Variants in RBFOX1 observed in about 807,000 individuals in gnomAD.
RBFOX1 encodes the protein RNA binding fox-1 homolog 1.
A neutral mutation model predicts 57.7 loss-of-function variants in RBFOX1; 8 were observed. The observed-to-expected ratio is 0.14, with a 90% CI of 0.08 to 0.25. The LOEUF is 0.25. RBFOX1 is among the 10% of genes least tolerant of loss of function. The pLI, the probability that RBFOX1 is intolerant of heterozygous loss-of-function variation, is 1.00. For synonymous variants in RBFOX1, 326 were observed against 222.4 expected (o/e 1.47, Z -4.15); for missense variants, 611 against 548.5 (o/e 1.11, Z -1.14).
At position 5,759,516 on chromosome 16, in the gene RBFOX1, C is replaced by A. The variant is rs550758247; in HGVS notation, c.319-107787C>A. 4.2e-3 allele frequency among the ~76,000 whole-genome samples: 633 copies of A among 152,312 alleles called. 9 individuals are homozygous for A. Among genetic ancestry groups the A allele is most frequent in the African/African-American group, 0.015 (611 of 41,572 alleles). On this transcript the variant is annotated intron_variant, in intron 3 of 19. Coordinates refer to the RBFOX1 transcript ENST00000641259. ...ACACCTCTCAGGCTCACCTTCAGCC[C>A]ATGCAAATTCAGAGTTTTCTTAATT...
At chr16:7,028,587 C>CAA (rs1364497237) in intron 3 of RBFOX1, among the ~76,000 whole-genome samples, 2 of 29,962 alleles carry the variant, frequency 6.7e-5, no homozygotes, top group African/African-American at 2.8e-4. Flanking sequence ...AACTCCCTCA[C>CAA]ACACACACAC....
chr16:6,429,576 C>CAAATGAGATTACATTT (rs2094020423), intron 2 of RBFOX1, among the ~76,000 whole-genome samples: 1 of 152,102 alleles, frequency 6.6e-6, no homozygotes, highest in Non-Finnish European at 1.5e-5. Flanking sequence ...GTGTCCCCAC[C>CAAATGAGATTACATTT]CAAATCTCAT....
intron 3 of RBFOX1, among the ~76,000 whole-genome samples, chr16:6,955,116 C>T (rs1314514747): frequency 6.6e-6 from 1 of 151,482 alleles, no homozygotes; most frequent in Non-Finnish European, 1.5e-5. Flanking sequence ...TGGATTATGC[C>T]TGTAGTCCCA....
At chr16:6,838,763 A>G (rs201406318) in intron 3 of RBFOX1, among the ~76,000 whole-genome samples, 25 of 152,278 alleles carry the variant, frequency 1.6e-4, no homozygotes, top group Admixed American at 3.9e-4. Context: ...AGGGGTCTCA[A>G]TTAGTGTCAT....
At chr16:5,928,221 G>T (rs2058975525) in intron 4 of RBFOX1, among the ~76,000 whole-genome samples, 1 of 152,010 alleles carries the variant, frequency 6.6e-6, no homozygotes, top group Non-Finnish European at 1.5e-5. Context: ...AGCCTCCTGA[G>T]TAGCTGAGAT....
chr16:7,613,064 T>A (rs2057822916), intron 10 of RBFOX1, among the ~76,000 whole-genome samples: 1 of 152,152 alleles, frequency 6.6e-6, no homozygotes, highest in Non-Finnish European at 1.5e-5. Flanking sequence ...AATGCAGATC[T>A]AAGATATAGT....
chr16:5,746,993 A>T lies in RBFOX1; in HGVS notation c.319-120310A>T, dbSNP rs1478686106. Among the ~76,000 whole-genome samples, 8 of 152,154 alleles carry T rather than the reference A, an allele frequency of 5.3e-5. 1 individual carries two copies. The highest frequency in any genetic ancestry group is 5.2e-4 in the Admixed American group (8 of 15,272). On this transcript the variant is annotated intron_variant, in intron 3 of 19. Coordinates refer to the RBFOX1 transcript ENST00000641259. ...AACACTATGTTGAATAGGAGTGGTGAGAGAGGGCATCCCTGTCTTGTGTCA... is the reference window on the plus strand; with the variant it reads ...AACACTATGTTGAATAGGAGTGGTGTGAGAGGGCATCCCTGTCTTGTGTCA...
intron 3 of RBFOX1, among the ~76,000 whole-genome samples, chr16:5,698,578 C>T (rs1596813192): frequency 6.6e-6 from 1 of 150,542 alleles, no homozygotes; most frequent in South Asian, 2.1e-4. Flanking sequence ...CTGTATGACC[C>T]AGCACTTCCA....
At chr16:7,361,536 G>A (rs556894892) in intron 4 of RBFOX1, among the ~76,000 whole-genome samples, 3 of 152,328 alleles carry the variant, frequency 2.0e-5, no homozygotes, top group East Asian at 3.9e-4. Context: ...AGGTGAGTCC[G>A]AAGGTGGCAG....
chr16:6,492,882 A>T (rs940671858), intron 2 of RBFOX1, among the ~76,000 whole-genome samples: 2 of 152,214 alleles, frequency 1.3e-5, no homozygotes, highest in African/African-American at 2.4e-5. Flanking sequence ...TACACATGCA[A>T]TTGTTTTACA....
At chr16:5,872,050 T>C (rs9934010) in intron 4 of RBFOX1, among the ~76,000 whole-genome samples, 91,494 of 152,006 alleles carry the variant, frequency 0.6, 27,748 homozygotes, top group Non-Finnish European at 0.63. Flanking sequence ...TTTATTTCTC[T>C]TGTCTTCCAA....
intron 3 of RBFOX1, among the ~76,000 whole-genome samples, chr16:6,931,610 A>G (rs2076575216): frequency 6.6e-6 from 1 of 152,018 alleles, no homozygotes; most frequent in East Asian, 1.9e-4. Flanking sequence ...CCCCACAACC[A>G]CCACAATGCT....
At chr16:7,288,215 A>G (rs146645343) in intron 4 of RBFOX1, among the ~76,000 whole-genome samples, 25 of 152,320 alleles carry the variant, frequency 1.6e-4, no homozygotes, top group African/African-American at 5.5e-4. Flanking sequence ...CTGTAATTCA[A>G]TTTAATTTCT....
chr16:6,477,706 T>A (rs1335463744), intron 2 of RBFOX1, among the ~76,000 whole-genome samples: 3 of 152,228 alleles, frequency 2.0e-5, no homozygotes, highest in Non-Finnish European at 4.4e-5. Context: ...TTTGAAGCTT[T>A]AAAGCCAGGT....
At chr16:7,411,898 C>T (rs1168800531) in intron 4 of RBFOX1, among the ~76,000 whole-genome samples, 3 of 85,186 alleles carry the variant, frequency 3.5e-5, no homozygotes, top group African/African-American at 1.5e-4. Context: ...AGCAAAACTC[C>T]TTTCAAAAAA....
At chr16:7,442,765 C>T (rs892962863) in intron 4 of RBFOX1, among the ~76,000 whole-genome samples, 2 of 152,174 alleles carry the variant, frequency 1.3e-5, no homozygotes, top group Non-Finnish European at 2.9e-5. Flanking sequence ...TAATAGAAAC[C>T]ATGGCCTCAG....
At chr16:6,398,052 T>A (rs2092912467) in intron 2 of RBFOX1, among the ~76,000 whole-genome samples, 1 of 152,008 alleles carries the variant, frequency 6.6e-6, no homozygotes, top group African/African-American at 2.4e-5. Context: ...GTCAGGAAAC[T>A]TACAATTATG....
At chr16:6,186,909 G>A (rs111644072) in intron 1 of RBFOX1, among the ~76,000 whole-genome samples, 4 of 152,230 alleles carry the variant, frequency 2.6e-5, no homozygotes, top group African/African-American at 9.6e-5. Context: ...TCTAATCTTC[G>A]CTCAATACTC....
At chr16:5,520,711 T>A (rs374590581) in intron 2 of RBFOX1, among the ~76,000 whole-genome samples, 1 of 152,208 alleles carries the variant, frequency 6.6e-6, no homozygotes, top group Non-Finnish European at 1.5e-5. Context: ...GCAAAACTTA[T>A]CTGTAGGAGG....
Sources: gnomAD v4.1 joint callset for allele counts (sites outside exome capture counted in the v4.1 genomes callset) on GRCh38, gnomAD v4.1.1 for gene constraint, MANE v1.5 for transcripts, NCBI Gene and HGNC (gene_info 2026-07-23, HGNC 2026-07-21) for gene names.